Variants in ADAM2 observed in about 807,000 individuals in gnomAD.
The protein encoded by ADAM2 is ADAM metallopeptidase domain 2, also known as disintegrin and metalloproteinase domain-containing protein 2.
A neutral mutation model predicts 99.3 loss-of-function variants in ADAM2; 101 were observed. The ratio of observed to expected loss-of-function variants is 1.02; its 90% CI spans 0.87 to 1.20. ADAM2 has a LOEUF of 1.20. ADAM2 is among the 50% of genes most tolerant of loss of function. The pLI, the probability that ADAM2 is intolerant of heterozygous loss-of-function variation, is 0.00. For synonymous variants in ADAM2, 323 were observed against 287.6 expected, an observed-to-expected ratio of 1.12 and a Z score of -1.25; for missense variants, 948 against 878.7, an observed-to-expected ratio of 1.08 and a Z score of -1.00.
chr8:39,795,441 A>G (rs991794365), intron 7 of ADAM2, among the ~76,000 whole-genome samples: 5 of 152,272 alleles, frequency 3.3e-5, no homozygotes, highest in African/African-American at 7.2e-5. Context: ...CTTCATCTGC[A>G]TGATAAAACC....
chr8:39,800,675 G>A (rs970517786), intron 7 of ADAM2, among the ~76,000 whole-genome samples: 1 of 151,972 alleles, frequency 6.6e-6, no homozygotes, highest in Non-Finnish European at 1.5e-5. Flanking sequence ...TCAATCTTAG[G>A]TTTAGTCTTT....
In ADAM2 at chr8:39,838,222, G is replaced by C; in HGVS notation, c.-37C>G. On this transcript the variant is annotated 5_prime_UTR_variant, in exon 1 of 21. Coordinates refer to ENST00000265708, the MANE Select transcript of ADAM2 (RefSeq NM_001464.5). Reference sequence around the variant, plus strand: ...CTGGGTCCCAGCCGGAATAATGGCAGTTGGTGGTTACAGGGCAGTTGGAAG... The same window carrying C: ...CTGGGTCCCAGCCGGAATAATGGCACTTGGTGGTTACAGGGCAGTTGGAAG... 6.2e-7 allele frequency: 1 copy of C among 1,613,006 alleles called. No homozygotes were observed. The highest frequency in any genetic ancestry group is 1.1e-5 in the South Asian group (1 of 91,058).
intron 20 of ADAM2, 83 bp from the exon 21 acceptor site, chr8:39,744,147 T>C (rs980681724): frequency 1.3e-5 from 2 of 152,076 alleles, no homozygotes; most frequent in African/African-American, 2.4e-5. Context: ...AGTAACCTTA[T>C]TGCAAAGTAG....
intron 14 of ADAM2, among the ~76,000 whole-genome samples, chr8:39,765,077 A>T (rs1316231663): frequency 5.3e-5 from 8 of 151,722 alleles, no homozygotes; most frequent in Non-Finnish European, 5.9e-5. Context: ...AAATAGCTGC[A>T]CACATACCTA....
intron 10 of ADAM2, among the ~76,000 whole-genome samples, chr8:39,781,442 T>G (rs1803228570): frequency 6.6e-6 from 1 of 152,218 alleles, no homozygotes; most frequent in African/African-American, 2.4e-5. Context: ...TACAATGGCT[T>G]ATCTTTACTT....
chr8:39,755,683 A>G (rs1164068310), intron 16 of ADAM2, 45 bp downstream of exon 16: 1 of 1,478,652 alleles, frequency 6.8e-7, no homozygotes, highest in Non-Finnish European at 9.3e-7. Flanking sequence ...AAAAGGGCAA[A>G]GTCTAAAATA....
In ADAM2 at chr8:39,811,079, G is replaced by A. The variant is rs1360970661; in HGVS notation, c.514-1613C>T. Among the ~76,000 whole-genome samples the A allele has an allele frequency of 4.6e-5, 7 of 152,018 alleles. No individual in the cohort carries two copies. In the South Asian group the frequency reaches 8.3e-4, roughly 18 times the overall value. On this transcript the variant is annotated intron_variant, in intron 6 of 20. Coordinates refer to ENST00000265708, the MANE Select transcript of ADAM2 (RefSeq NM_001464.5). ...GAAGAAAAGAGAGAAGAATCAAAAA[G>A]ACACAATAAAAAATGATAAAGGGGA...
intron 10 of ADAM2, among the ~76,000 whole-genome samples, chr8:39,778,878 G>A (rs1024087961): frequency 2.0e-5 from 3 of 151,910 alleles, no homozygotes; most frequent in Admixed American, 2.0e-4. Context: ...TGTAGAAAAG[G>A]CTTACTGACC....
intron 3 of ADAM2, among the ~76,000 whole-genome samples, chr8:39,826,860 G>A (rs1805427206): frequency 6.6e-6 from 1 of 151,966 alleles, no homozygotes; most frequent in South Asian, 2.1e-4. Context: ...GACTACAAAA[G>A]CACAGGTAAC....
At position 39,824,862 on chromosome 8, in the gene ADAM2, T is replaced by G. The variant is rs1391162583; in HGVS notation, c.224A>C (p.Tyr75Ser). 1 of 1,572,550 alleles carries G rather than the reference T, an allele frequency of 6.4e-7. No homozygotes were observed. Among genetic ancestry groups the G allele is most frequent in the East Asian group, 2.2e-5 (1 of 44,562 alleles). ...TGGTTTCATAATTCCTGTGCCACTA[T>G]AACTGTAAACTCTAAAATTATGGGG... ...FLPHNFRVYSYSGTGIMKPLD... is the reference protein window; with the variant it reads ...FLPHNFRVYSSSGTGIMKPLD... The change falls in exon 4 of 21, where the codon TAT becomes TCT. Residue 75 changes from tyrosine (Y) to serine (S), a missense_variant. Physicochemically the swap from Tyr to Ser is moderately radical, Grantham distance 144. Coordinates refer to ENST00000265708, the MANE Select transcript of ADAM2 (RefSeq NM_001464.5).
intron 17 of ADAM2, 95 bp downstream of exon 17, chr8:39,749,572 T>G: frequency 7.5e-7 from 1 of 1,331,468 alleles, no homozygotes; most frequent in Non-Finnish European, 1.0e-6. Context: ...TTGGTGTGTG[T>G]GTGTGTGTGT....
intron 7 of ADAM2, among the ~76,000 whole-genome samples, chr8:39,789,985 G>A (rs921383387): frequency 2.0e-5 from 3 of 151,858 alleles, no homozygotes; most frequent in South Asian, 4.2e-4. Context: ...AAACCACAAA[G>A]AGAAACAAAT....
chr8:39,749,625 G>C, intron 17 of ADAM2, 42 bp downstream of exon 17: 1 of 1,527,824 alleles, frequency 6.5e-7, no homozygotes, highest in Non-Finnish European at 9.0e-7. Context: ...CTAAAATTAG[G>C]CTCAATGATT....
intron 10 of ADAM2, among the ~76,000 whole-genome samples, chr8:39,778,237 T>C (rs1203683600): frequency 1.3e-5 from 2 of 151,968 alleles, no homozygotes; most frequent in Non-Finnish European, 2.9e-5. Context: ...TTTCTAGGTA[T>C]ACATTTTGAT....
intron 11 of ADAM2, among the ~76,000 whole-genome samples, chr8:39,770,676 T>C (rs1802746920): frequency 6.6e-6 from 1 of 152,206 alleles, no homozygotes; most frequent in Non-Finnish European, 1.5e-5. Context: ...GTATCATACA[T>C]GTAAAGTACT....
rs78674019 is a variant in ADAM2 at position 39,789,462 on chromosome 8, G to A, written c.571-722C>T. ...GATCATGATCCAGAAATAAAGCACA[G>A]AAAAATGAAAATTATTCAGAATGTC... On this transcript the variant is annotated intron_variant, in intron 7 of 20. Transcript: ENST00000265708. 5.8e-3 allele frequency among the ~76,000 whole-genome samples: 881 copies of A among 151,742 alleles called. 12 individuals are homozygous for A. The highest frequency in any genetic ancestry group is 0.024 in the Middle Eastern group (7 of 292).
chr8:39,825,535 CA>C (rs1485668763), intron 3 of ADAM2, among the ~76,000 whole-genome samples: 3 of 151,034 alleles, frequency 2.0e-5, no homozygotes, highest in African/African-American at 7.3e-5. Context: ...ATTTTTGTTT[CA>C]AAATTGATGA....
At position 39,746,648 on chromosome 8, in the gene ADAM2, T is replaced by A. The variant is rs1486420790; in HGVS notation, c.2015-17A>T. On this transcript the variant is annotated splice_polypyrimidine_tract_variant and intron_variant, in intron 18 of 20. Transcript: ENST00000265708. ...AGCGCCTTTCTAGAAGAAAAAAAAA[T>A]CAAAGATTTGAAAGCAAGCACCAGA... 2 of 1,547,316 alleles carry A rather than the reference T, an allele frequency of 1.3e-6. No homozygotes were observed. The highest frequency in any genetic ancestry group is 1.7e-6 in the Non-Finnish European group (2 of 1,154,420).
chr8:39,788,387 T>C, intron 8 of ADAM2, 136 bp from the exon 9 acceptor site: 1 of 581,298 alleles, frequency 1.7e-6, no homozygotes, highest in Non-Finnish European at 2.8e-6. Flanking sequence ...TAAAGTAGAT[T>C]AGTAAGTTTA....
Sources: gnomAD v4.1 joint callset for allele counts (sites outside exome capture counted in the v4.1 genomes callset) on GRCh38, gnomAD v4.1.1 for gene constraint, MANE v1.5 for transcripts, NCBI Gene and HGNC (gene_info 2026-07-23, HGNC 2026-07-21) for gene names.